The following ATXN10 variants were observed in gnomAD, a reference collection of about 807,000 sequenced individuals.
ATXN10 encodes the protein ataxin 10, also known as ataxin-10.
A neutral mutation model predicts 52.9 loss-of-function variants in ATXN10; 28 were observed. That is an observed-to-expected ratio of 0.53 (90% CI 0.39 to 0.73). ATXN10 has a LOEUF of 0.73. Among genes scored for constraint, ATXN10 ranks in the 30% least tolerant of loss-of-function variants. The probability of loss-of-function intolerance (pLI) is 0.00; values close to 1 mark genes in which losing one functional copy is unlikely to be tolerated. For missense variants in ATXN10, 565 were observed against 577.0 expected (o/e 0.98, Z 0.21); for synonymous variants, 226 against 221.5 (o/e 1.02, Z -0.18).
At chr22:45,714,540 CTGGCTGATTAATTTTTTATTTTGTAGAG>C (rs1210284040) in intron 5 of ATXN10, among the ~76,000 whole-genome samples, 1 of 151,952 alleles carries the variant, frequency 6.6e-6, no homozygotes. Context: ...ACCACCGCAC[CTGGCTGATTAATTTTTTATTTTGTAGAG>C]ATGGGGTCTC....
Position 45,820,715 on chromosome 22 carries a change from G to A in ATXN10, c.1237+13693G>A, listed in dbSNP as rs757114259. 3.9e-5 allele frequency among the ~76,000 whole-genome samples: 6 copies of A among 152,178 alleles called. No homozygotes were observed. Among genetic ancestry groups the A allele is most frequent in the East Asian group, 3.8e-4 (2 of 5,198 alleles). ...GTCAAGAGAAAAGATGTTGGACCCC[G>A]TGGCCGCAGGCATTGCCAGGGTGGT... On this transcript the variant is annotated intron_variant, in intron 10 of 11. Transcript: ENST00000252934. This position sits in a 1 kb window ranked among gnomAD's most constrained non-coding sequence, Gnocchi z 4.9.
At chr22:45,827,479 G>T (rs1928853885) in intron 10 of ATXN10, among the ~76,000 whole-genome samples, 1 of 152,122 alleles carries the variant, frequency 6.6e-6, no homozygotes, top group South Asian at 2.1e-4. Flanking sequence ...ATAGTATAAG[G>T]AAGTGGTAAG....
intron 6 of ATXN10, among the ~76,000 whole-genome samples, chr22:45,721,772 A>G (rs1924660816): frequency 6.6e-6 from 1 of 152,064 alleles, no homozygotes; most frequent in South Asian, 2.1e-4. Context: ...GACATTTTCC[A>G]AATTGGAGTT....
intron 5 of ATXN10, among the ~76,000 whole-genome samples, chr22:45,707,024 CTCTGT>C (rs1461032320): frequency 6.6e-6 from 1 of 151,430 alleles, no homozygotes; most frequent in Non-Finnish European, 1.5e-5. Context: ...TATTTTCATG[CTCTGT>C]TAAGTACACA....
intron 3 of ATXN10, among the ~76,000 whole-genome samples, chr22:45,698,171 A>T: frequency 6.6e-6 from 1 of 152,118 alleles, no homozygotes; most frequent in East Asian, 1.9e-4. Context: ...CTAGGAATAG[A>T]ATTGCTGGGT....
At position 45,774,071 on chromosome 22, in the gene ATXN10, C is replaced by T. The variant is rs1926868201; in HGVS notation, c.1174-32888C>T. 6.6e-6 allele frequency among the ~76,000 whole-genome samples: 1 copy of T among 152,232 alleles called. No individual in the cohort carries two copies. Among genetic ancestry groups the T allele is most frequent in the Non-Finnish European group, 1.5e-5 (1 of 68,052 alleles). On this transcript the variant is annotated intron_variant, in intron 9 of 11. Transcript: ENST00000252934. The surrounding 1 kb of genome is among the most constrained non-coding windows in gnomAD (Gnocchi z 6.2). ...CTTCAGGTCTTGCAGACAGAAAGAA[C>T]CATTTGATGCCATGTGCTTCAGCCA...
rs79594641 is a variant in ATXN10 at position 45,766,430 on chromosome 22, C to T, written c.1173+25892C>T. Reference sequence around the variant, plus strand: ...AGTCTTCCCCGCAACCCCTCTTCCCCCGAGTCTGTGGAAAAATTGCCTTCC... The same window carrying T: ...AGTCTTCCCCGCAACCCCTCTTCCCTCGAGTCTGTGGAAAAATTGCCTTCC... On this transcript the variant is annotated intron_variant, in intron 9 of 11. Transcript: ENST00000252934. The surrounding 1 kb of genome is among the most constrained non-coding windows in gnomAD (Gnocchi z 4.6). Among the ~76,000 whole-genome samples the T allele has an allele frequency of 0.084, 12,711 of 152,204 alleles. 687 individuals carry two copies. The highest frequency in any genetic ancestry group is 0.16 in the Middle Eastern group (47 of 294).
rs1321203557 is a variant in ATXN10 at position 45,805,885 on chromosome 22, A to G, written c.1174-1074A>G. ...GTCTCAGCAAAAAATGAACTGGGCC[A>G]GGCACAGTCACTCATGCCGATAATC... On this transcript the variant is annotated intron_variant, in intron 9 of 11. Transcript: ENST00000252934. The surrounding 1 kb of genome is among the most constrained non-coding windows in gnomAD (Gnocchi z 4.4). Among the ~76,000 whole-genome samples, 1 of 152,224 alleles carries G rather than the reference A, an allele frequency of 6.6e-6. No homozygotes were observed. The highest frequency in any genetic ancestry group is 1.5e-5 in the Non-Finnish European group (1 of 68,048).
At chr22:45,839,020 C>T (rs962672231) in intron 10 of ATXN10, among the ~76,000 whole-genome samples, 1 of 152,184 alleles carries the variant, frequency 6.6e-6, no homozygotes, top group Admixed American at 6.5e-5. Context: ...AAGAAGAATG[C>T]ATAAGGGTTC....
chr22:45,794,665 G>A (rs1927645493), intron 9 of ATXN10, among the ~76,000 whole-genome samples: 1 of 151,984 alleles, frequency 6.6e-6, no homozygotes, highest in African/African-American at 2.4e-5. Flanking sequence ...AGGAATCAAT[G>A]GAATGACATC....
Position 45,786,972 on chromosome 22 carries a change from C to T in ATXN10, c.1174-19987C>T, listed in dbSNP as rs982332240. On this transcript the variant is annotated intron_variant, in intron 9 of 11. Coordinates refer to ENST00000252934, the MANE Select transcript of ATXN10 (RefSeq NM_013236.4). This position sits in a 1 kb window ranked among gnomAD's most constrained non-coding sequence, Gnocchi z 4.1. ...TTAAAAAAAATTGTCTATATGGATG[C>T]TCATTGCATTGTTGGTGAAAATTTA... 6.6e-6 allele frequency among the ~76,000 whole-genome samples: 1 copy of T among 152,114 alleles called. No individual in the cohort carries two copies. The highest frequency in any genetic ancestry group is 2.4e-5 in the African/African-American group (1 of 41,406).
At position 45,772,395 on chromosome 22, in the gene ATXN10, G is replaced by A. The variant is rs1391630695; in HGVS notation, c.1173+31857G>A. 6.6e-6 allele frequency among the ~76,000 whole-genome samples: 1 copy of A among 152,010 alleles called. No individual in the cohort carries two copies. The highest frequency in any genetic ancestry group is 1.5e-5 in the Non-Finnish European group (1 of 67,992). On this transcript the variant is annotated intron_variant, in intron 9 of 11. Transcript: ENST00000252934. This position sits in a 1 kb window ranked among gnomAD's most constrained non-coding sequence, Gnocchi z 4.1. ...AAGATCAAATGGCCCAATTTGTGTGGGTCTGTTTCCAGATATGCTATTTTG... is the reference window on the plus strand; with the variant it reads ...AAGATCAAATGGCCCAATTTGTGTGAGTCTGTTTCCAGATATGCTATTTTG...
rs371748802 is a variant in ATXN10 at position 45,686,261 on chromosome 22, GCAAA to G, written c.117-3448_117-3445del. On this transcript the variant is annotated intron_variant, in intron 1 of 11. Coordinates refer to ENST00000252934, the MANE Select transcript of ATXN10 (RefSeq NM_013236.4). ...GCAGTCAGGGGCCACTTTTGAGTGT[GCAAA>G]CAGTCTCATCACTGTTTAAAACTTG... Among the ~76,000 whole-genome samples, 738 of 152,298 alleles carry G rather than the reference GCAAA, an allele frequency of 4.8e-3. 10 individuals are homozygous for G. Among genetic ancestry groups the G allele is most frequent in the African/African-American group, 0.017 (703 of 41,566 alleles).
At chr22:45,827,805 C>T (rs1239821137) in intron 10 of ATXN10, among the ~76,000 whole-genome samples, 1 of 152,134 alleles carries the variant, frequency 6.6e-6, no homozygotes, top group Non-Finnish European at 1.5e-5. Flanking sequence ...ACACTCTATC[C>T]TACAACAAGA....
At position 45,756,320 on chromosome 22, in the gene ATXN10, T is replaced by C. The variant is rs561965742; in HGVS notation, c.1173+15782T>C. On this transcript the variant is annotated intron_variant, in intron 9 of 11. Coordinates refer to ENST00000252934, the MANE Select transcript of ATXN10 (RefSeq NM_013236.4). ...CCACCATGCCTGGCTAATGTTTAAA[T>C]TTTTTGTAGAGATGAGGTCTTGCTG... Among the ~76,000 whole-genome samples the C allele has an allele frequency of 2.0e-5, 3 of 152,198 alleles. No homozygotes were observed. The East Asian group carries it at 5.8e-4, about 29-fold the overall frequency.
intron 5 of ATXN10, among the ~76,000 whole-genome samples, chr22:45,711,387 T>TAG (rs1361802734): frequency 2.0e-5 from 3 of 152,144 alleles, no homozygotes; most frequent in Admixed American, 2.0e-4. Context: ...GCTGGAGTTA[T>TAG]AGGCGGGTGA....
intron 6 of ATXN10, among the ~76,000 whole-genome samples, chr22:45,722,533 C>T (rs1214938819): frequency 6.6e-6 from 1 of 152,206 alleles, no homozygotes; most frequent in African/African-American, 2.4e-5. Flanking sequence ...TCAGTACCCA[C>T]ATCGTTAGCT....
chr22:45,829,270 C>CA (rs1928912821), intron 10 of ATXN10, among the ~76,000 whole-genome samples: 1 of 152,120 alleles, frequency 6.6e-6, no homozygotes, highest in Non-Finnish European at 1.5e-5. Flanking sequence ...AAATCAACAG[C>CA]AAACATAACT....
At chr22:45,737,690 CTTTTTTTTTTT>C (rs544284810) in intron 7 of ATXN10, among the ~76,000 whole-genome samples, 10 of 123,238 alleles carry the variant, frequency 8.1e-5, no homozygotes, top group South Asian at 5.2e-4. Context: ...AATGTTATCT[CTTTTTTTTTTT>C]TTTTTTTTTT....
Sources: gnomAD v4.1 joint callset for allele counts (sites outside exome capture counted in the v4.1 genomes callset) on GRCh38, gnomAD v4.1.1 for gene constraint, Gnocchi (gnomAD v3.1) non-coding constraint, MANE v1.5 for transcripts, NCBI Gene and HGNC (gene_info 2026-07-23, HGNC 2026-07-21) for gene names.